The following ZBTB38 variants were observed in gnomAD, a reference collection of about 807,000 sequenced individuals.
ZBTB38 encodes the protein zinc finger and BTB domain-containing protein 38.
ZBTB38 carries 20 observed loss-of-function variants against 76.8 expected under a neutral mutation model. The ratio of observed to expected loss-of-function variants is 0.26; its 90% CI spans 0.18 to 0.38. The LOEUF is 0.38. ZBTB38 is among the 10% of genes least tolerant of loss of function. The pLI, the probability that ZBTB38 is intolerant of heterozygous loss-of-function variation, is 1.00. For missense variants in ZBTB38, 1,082 were observed against 1,482.3 expected (o/e 0.73, Z 4.43); for synonymous variants, 504 against 544.2 (o/e 0.93, Z 1.03).
At chr3:141,332,279 T>C (rs1431288976) in intron 1 of ZBTB38, among the ~76,000 whole-genome samples, 1 of 152,244 alleles carries the variant, frequency 6.6e-6, no homozygotes, top group East Asian at 1.9e-4. Context: ...ATTCATCAGC[T>C]GGCCATTCCC....
intron 1 of ZBTB38, among the ~76,000 whole-genome samples, chr3:141,326,426 G>A (rs1019693857): frequency 6.6e-6 from 1 of 152,254 alleles, no homozygotes; most frequent in Middle Eastern, 3.4e-3. Context: ...GCAGGGTGGG[G>A]GACAGGAAAT....
chr3:141,372,318 C>T (rs976790929), intron 2 of ZBTB38, among the ~76,000 whole-genome samples: 3 of 152,050 alleles, frequency 2.0e-5, no homozygotes, highest in Non-Finnish European at 2.9e-5. Context: ...GTCTATTGAT[C>T]GGGGAGCTGG....
intron 5 of ZBTB38, among the ~76,000 whole-genome samples, chr3:141,417,896 C>G (rs1359331231): frequency 6.6e-6 from 1 of 152,106 alleles, no homozygotes; most frequent in Non-Finnish European, 1.5e-5. Context: ...TGCCTGTAGT[C>G]TCAGCTACTC....
intron 4 of ZBTB38, among the ~76,000 whole-genome samples, chr3:141,401,119 A>C (rs1338758065): frequency 6.6e-6 from 1 of 152,268 alleles, no homozygotes; most frequent in Non-Finnish European, 1.5e-5. Flanking sequence ...GTTGGAATCC[A>C]CTATTAACAA....
intron 5 of ZBTB38, among the ~76,000 whole-genome samples, chr3:141,405,320 T>C (rs769636291): frequency 9.9e-5 from 15 of 152,240 alleles, no homozygotes; most frequent in Non-Finnish European, 8.8e-5. Flanking sequence ...TCCAAATGGA[T>C]ATATAGGAAA....
rs544532309 is a variant in ZBTB38 at position 141,448,749 on chromosome 3, A to G, written c.*2773A>G. On this transcript the variant is annotated 3_prime_UTR_variant, in exon 6 of 6. Transcript: ENST00000321464. ...TTCATGTTATTTCTTTTGTGCAGCT[A>G]TTTCATCTGTGTGAGTCACAGCTTT... The G allele has an allele frequency of 7.9e-5, 12 of 152,168 alleles. No homozygotes were observed. Among genetic ancestry groups the G allele is most frequent in the Non-Finnish European group, 1.8e-4 (12 of 68,010 alleles). The allele number at this position is 152,168 out of a possible 1,614,324, so 9.4% of individuals were successfully genotyped here. A position where few individuals can be genotyped will look rare whatever the true frequency, so the allele number is the denominator to read the frequency against.
chr3:141,397,855 T>C (rs901653154), intron 4 of ZBTB38, among the ~76,000 whole-genome samples: 1 of 152,166 alleles, frequency 6.6e-6, no homozygotes, highest in African/African-American at 2.4e-5. Context: ...CAGATCACTA[T>C]AACACATATA....
intron 2 of ZBTB38, among the ~76,000 whole-genome samples, chr3:141,380,828 G>A (rs555617832): frequency 6.6e-6 from 1 of 152,338 alleles, no homozygotes. Flanking sequence ...GTATCTGAGA[G>A]AAGAGAAAGC....
At chr3:141,403,350 C>G (rs928615719) in intron 4 of ZBTB38, among the ~76,000 whole-genome samples, 1 of 152,212 alleles carries the variant, frequency 6.6e-6, no homozygotes, top group Non-Finnish European at 1.5e-5. Flanking sequence ...AGAGAAGCAG[C>G]TAGTGAGTCG....
rs1299718724 is a variant in ZBTB38, at chr3:141,444,636, A to C, written c.2248A>C (p.Ser750Arg). ...CAGAGCCTTTTCAGACCCAGCTGTC[A>C]GTCAGTCCCTGAAAGATGACAGTAA... ...NHRAFSDPAV[S>R]QSLKDDSKPE... Residue 750 changes from serine (S) to arginine (R), a missense_variant, in exon 6 of 6, where the codon AGT (serine) becomes CGT (arginine). Ser to Arg is a moderately radical substitution (Grantham distance 110). Around this residue, in one of 8 missense-constraint regions of ZBTB38, gnomAD observed 471 missense variants for 581.0 expected, o/e 0.81. Coordinates refer to ENST00000321464, the MANE Select transcript of ZBTB38 (RefSeq NM_001376113.1). The surrounding 1 kb of genome is among the most constrained non-coding windows in gnomAD (Gnocchi z 5.1). 2 of 1,614,192 alleles carry C rather than the reference A, an allele frequency of 1.2e-6. No individual in the cohort carries two copies. Among genetic ancestry groups the C allele is most frequent in the Admixed American group, 3.3e-5 (2 of 60,026 alleles).
At chr3:141,439,827 CAT>C (rs1277015424) in intron 5 of ZBTB38, among the ~76,000 whole-genome samples, 21 of 152,144 alleles carry the variant, frequency 1.4e-4, no homozygotes, top group Non-Finnish European at 5.9e-5. Flanking sequence ...ATTAAAATAA[CAT>C]GTGGGCTTCC....
At chr3:141,362,894 C>G (rs535251112) in intron 1 of ZBTB38, among the ~76,000 whole-genome samples, 72 of 152,214 alleles carry the variant, frequency 4.7e-4, no homozygotes, top group African/African-American at 1.7e-3. Context: ...CCCTGCCCCC[C>G]ACCCCAAGAC....
chr3:141,370,461 A>T, intron 2 of ZBTB38, among the ~76,000 whole-genome samples: 1 of 152,234 alleles, frequency 6.6e-6, no homozygotes, highest in African/African-American at 2.4e-5. Context: ...GCCACTTAGC[A>T]GTGACAGCTC....
rs1420824356 is a variant in ZBTB38 at position 141,444,052 on chromosome 3, G to A, written c.1664G>A (p.Gly555Asp). ...ATCAGTAAAAAAACAGCAAATGGAG[G>A]CTTGAAGCCTAGTGTCTATCCGTAT... ...LSISKKTANG[G>D]LKPSVYPYKL... Residue 555 changes from glycine (G) to aspartate (D), a missense_variant, in exon 6 of 6, where the codon GGC becomes GAC. Physicochemically the swap from Gly to Asp is moderately conservative, Grantham distance 94. Coordinates refer to ENST00000321464, the MANE Select transcript of ZBTB38 (RefSeq NM_001376113.1). The surrounding 1 kb of genome is among the most constrained non-coding windows in gnomAD (Gnocchi z 5.1). 2 of 1,613,988 alleles carry A rather than the reference G, an allele frequency of 1.2e-6. No homozygotes were observed. Among genetic ancestry groups the A allele is most frequent in the African/African-American group, 1.3e-5 (1 of 74,900 alleles).
rs569201722 is a variant in ZBTB38 at position 141,424,636 on chromosome 3, A to ATG, written c.1-17742_1-17741dup. Among the ~76,000 whole-genome samples, 472 of 148,620 alleles carry ATG rather than the reference A, an allele frequency of 3.2e-3. 2 individuals carry two copies. Among genetic ancestry groups the ATG allele is most frequent in the African/African-American group, 0.011 (414 of 38,606 alleles). The stretch of plus-strand genomic sequence containing the variant: ...ATGATAGTTATAATTAAATGCCTGT[A>ATG]TGTGTGTGTGTGCGTGTGTGTGTGT... On this transcript the variant is annotated intron_variant, in intron 5 of 5. Transcript: ENST00000321464.
intron 1 of ZBTB38, among the ~76,000 whole-genome samples, chr3:141,344,253 C>T (rs1943278298): frequency 6.6e-6 from 1 of 152,190 alleles, no homozygotes; most frequent in Non-Finnish European, 1.5e-5. Flanking sequence ...AAAGTGTCTA[C>T]AGCTCTGTGT....
chr3:141,399,848 G>T (rs1238135802), intron 4 of ZBTB38, among the ~76,000 whole-genome samples: 1 of 152,162 alleles, frequency 6.6e-6, no homozygotes, highest in Non-Finnish European at 1.5e-5. Flanking sequence ...ACAGAAACCT[G>T]TGTGGAGATT....
intron 4 of ZBTB38, among the ~76,000 whole-genome samples, chr3:141,394,833 T>C (rs1221907916): frequency 6.6e-6 from 1 of 152,196 alleles, no homozygotes; most frequent in African/African-American, 2.4e-5. Context: ...TGTTGCCTTA[T>C]TGATTTTAGA....
chr3:141,344,757 A>G (rs1031707807), intron 1 of ZBTB38, among the ~76,000 whole-genome samples: 4 of 152,218 alleles, frequency 2.6e-5, no homozygotes, highest in African/African-American at 7.2e-5. Context: ...CAATTGGGAA[A>G]GGTCCTCTGC....
Sources: gnomAD v4.1 joint callset for allele counts (sites outside exome capture counted in the v4.1 genomes callset) on GRCh38, gnomAD v4.1.1 for gene constraint, gnomAD v4.1.1 regional missense constraint, Gnocchi (gnomAD v3.1) non-coding constraint, MANE v1.5 for transcripts, NCBI Gene and HGNC (gene_info 2026-07-23, HGNC 2026-07-21) for gene names.